The following THSD4 variants were observed in gnomAD, a reference collection of about 807,000 sequenced individuals.
THSD4 encodes thrombospondin type-1 domain-containing protein 4.
A neutral mutation model predicts 119.0 loss-of-function variants in THSD4; 69 were observed. The observed-to-expected ratio is 0.58, with a 90% CI of 0.48 to 0.71. The LOEUF (loss-of-function observed/expected upper bound fraction) is 0.71, where lower values mean the gene tolerates loss of function less well. Ranked by LOEUF, THSD4 falls within the 30% of genes least tolerant of loss-of-function variation. THSD4 has a pLI of 0.00. For missense variants in THSD4, 1,393 were observed against 1,391.1 expected (o/e 1.00, Z -0.02); for synonymous variants, 524 against 540.4 (o/e 0.97, Z 0.42).
At chr15:71,492,894 C>CTT (rs11437149) in intron 7 of THSD4, among the ~76,000 whole-genome samples, 4,230 of 144,286 alleles carry the variant, frequency 0.029, 177 homozygotes, top group African/African-American at 0.095. Flanking sequence ...CATGAAATGT[C>CTT]TTTTTTTTTT....
chr15:71,777,123 T>C (rs901084240), intron 17 of THSD4, 109 bp from the exon 18 acceptor site: 1 of 1,290,566 alleles, frequency 7.7e-7, no homozygotes, highest in South Asian at 1.3e-5. Flanking sequence ...ACAATGGTAA[T>C]AAACAGCAGC....
chr15:71,768,109 G>A (rs1343714391), intron 16 of THSD4, among the ~76,000 whole-genome samples: 2 of 152,106 alleles, frequency 1.3e-5, no homozygotes, highest in Non-Finnish European at 2.9e-5. Context: ...TTTCTTAAAC[G>A]ACATACCACT....
chr15:71,743,322 G>A (rs2053272340), intron 11 of THSD4, among the ~76,000 whole-genome samples: 1 of 152,164 alleles, frequency 6.6e-6, no homozygotes, highest in Non-Finnish European at 1.5e-5. Flanking sequence ...GGTTGAGATA[G>A]TTCCTTTTGC....
intron 4 of THSD4, among the ~76,000 whole-genome samples, chr15:71,218,378 C>T (rs1457854406): frequency 1.3e-5 from 2 of 152,156 alleles, no homozygotes; most frequent in African/African-American, 4.8e-5. Flanking sequence ...AAAGAGGCTT[C>T]TTGAAAGCCT....
At position 71,653,500 on chromosome 15, in the gene THSD4, A is replaced by G. The variant is rs567296022; in HGVS notation, c.1153-7030A>G. On this transcript the variant is annotated intron_variant, in intron 7 of 17. Coordinates refer to ENST00000261862, the MANE Select transcript of THSD4 (RefSeq NM_024817.3). ...TCACACTGAGAGGGATGCTCCTGGC[A>G]TCTGGTGGGTAGAAGCCAAGGATGC... is the stretch of plus-strand genomic sequence containing the variant. Among the ~76,000 whole-genome samples, 5 of 152,310 alleles carry G rather than the reference A, an allele frequency of 3.3e-5. No individual in the cohort carries two copies. In the South Asian group the frequency reaches 1.0e-3, roughly 32 times the overall value.
intron 6 of THSD4, among the ~76,000 whole-genome samples, chr15:71,275,929 ACTT>A (rs1171985145): frequency 6.6e-6 from 1 of 152,138 alleles, no homozygotes; most frequent in African/African-American, 2.4e-5. Flanking sequence ...AGTCAATTAA[ACTT>A]CTTTCCTTTG....
At chr15:71,677,627 T>C (rs917068950) in intron 8 of THSD4, among the ~76,000 whole-genome samples, 1 of 152,194 alleles carries the variant, frequency 6.6e-6, no homozygotes, top group African/African-American at 2.4e-5. Context: ...AGCTTTCAGA[T>C]ATGCTGGAAC....
chr15:71,450,576 A>C (rs1166587100), intron 7 of THSD4, among the ~76,000 whole-genome samples: 1 of 152,188 alleles, frequency 6.6e-6, no homozygotes, highest in Non-Finnish European at 1.5e-5. Flanking sequence ...ATAGCATCCA[A>C]GGTTATGTAA....
At chr15:71,662,705 A>G (rs1197224463) in intron 8 of THSD4, among the ~76,000 whole-genome samples, 2 of 152,124 alleles carry the variant, frequency 1.3e-5, no homozygotes, top group African/African-American at 4.8e-5. Flanking sequence ...GAATGGAGGA[A>G]GCTCTCGGAG....
At chr15:71,221,232 T>C (rs1293341107) in intron 4 of THSD4, among the ~76,000 whole-genome samples, 3 of 152,166 alleles carry the variant, frequency 2.0e-5, no homozygotes. Flanking sequence ...ACTATAGGAC[T>C]CCCCTTCAAC....
intron 8 of THSD4, among the ~76,000 whole-genome samples, chr15:71,704,337 G>A (rs1013833929): frequency 9.2e-5 from 14 of 152,152 alleles, no homozygotes; most frequent in East Asian, 1.9e-4. Flanking sequence ...CCCACATGTC[G>A]TGGGAGGGTC....
At chr15:71,528,105 C>T (rs967079051) in intron 7 of THSD4, among the ~76,000 whole-genome samples, 1 of 152,182 alleles carries the variant, frequency 6.6e-6, no homozygotes, top group Non-Finnish European at 1.5e-5. Context: ...CTTGGACTCT[C>T]TTGCTCTCAG....
At chr15:71,437,740 C>G (rs1441353) in intron 7 of THSD4, among the ~76,000 whole-genome samples, 52,810 of 151,944 alleles carry the variant, frequency 0.35, 9,311 homozygotes, top group Middle Eastern at 0.47. Flanking sequence ...TAAAAGGGAG[C>G]CAAGAATTCA....
At chr15:71,305,962 G>A (rs2045018378) in intron 6 of THSD4, among the ~76,000 whole-genome samples, 1 of 152,130 alleles carries the variant, frequency 6.6e-6, no homozygotes, top group African/African-American at 2.4e-5. Flanking sequence ...ACTGGAGGAA[G>A]TGTGAAGATA....
At chr15:71,344,739 A>T (rs1344210916) in intron 6 of THSD4, among the ~76,000 whole-genome samples, 1 of 152,194 alleles carries the variant, frequency 6.6e-6, no homozygotes, top group Non-Finnish European at 1.5e-5. Context: ...ACCAAATTGT[A>T]TCATGAGCAT....
chr15:71,582,453 T>C (rs2049577238), intron 7 of THSD4, among the ~76,000 whole-genome samples: 1 of 152,148 alleles, frequency 6.6e-6, no homozygotes, highest in Non-Finnish European at 1.5e-5. Flanking sequence ...TTTTTTCCTT[T>C]CGAATTTGGA....
At position 71,777,436 on chromosome 15, in the gene THSD4, C is replaced by T; in HGVS notation, c.*62C>T. On this transcript the variant is annotated 3_prime_UTR_variant, in exon 18 of 18. Transcript: ENST00000261862. Reference sequence around the variant, plus strand: ...CCTTCCCGGGGGCTTCAGCAGTGCGCCTGGCTGGCTGCTGCTCCACCACGG... The same window carrying T: ...CCTTCCCGGGGGCTTCAGCAGTGCGTCTGGCTGGCTGCTGCTCCACCACGG... 1.9e-6 allele frequency: 3 copies of T among 1,551,152 alleles called. No homozygotes were observed. Among genetic ancestry groups the T allele is most frequent in the Non-Finnish European group, 2.6e-6 (3 of 1,150,504 alleles).
chr15:71,650,946 G>C (rs2051074400), intron 7 of THSD4, among the ~76,000 whole-genome samples: 1 of 152,136 alleles, frequency 6.6e-6, no homozygotes, highest in African/African-American at 2.4e-5. Context: ...ACTTTAGAAG[G>C]ATTCCTATCC....
chr15:71,363,361 T>C (rs938099543), intron 6 of THSD4, among the ~76,000 whole-genome samples: 11 of 152,248 alleles, frequency 7.2e-5, no homozygotes, highest in South Asian at 6.2e-4. Flanking sequence ...TTGGCTGTTA[T>C]ATTCCCTTTT....
Sources: allele counts gnomAD v4.1 joint callset (sites outside exome capture counted in the v4.1 genomes callset), GRCh38; gene constraint gnomAD v4.1.1; transcripts MANE v1.5; gene names NCBI Gene and HGNC (gene_info 2026-07-23, HGNC 2026-07-21).